The following INO80 variants were observed in gnomAD, a reference collection of about 807,000 sequenced individuals.
The protein encoded by INO80 is INO80 complex ATPase subunit.
In INO80, 20 loss-of-function variants were observed where a neutral mutation model predicts 203.4. The observed-to-expected ratio is 0.10, with a 90% CI of 0.07 to 0.14. The LOEUF (loss-of-function observed/expected upper bound fraction) is 0.14, where lower values mean the gene tolerates loss of function less well. INO80 is among the 10% of genes least tolerant of loss of function. The pLI, the probability that INO80 is intolerant of heterozygous loss-of-function variation, is 1.00. For synonymous variants in INO80, 726 were observed against 685.2 expected (o/e 1.06, Z -0.93); for missense variants, 1,419 against 1,914.4 (o/e 0.74, Z 4.83).
At chr15:40,993,727 C>T (rs1243599636) in intron 29 of INO80, among the ~76,000 whole-genome samples, 1 of 151,954 alleles carries the variant, frequency 6.6e-6, no homozygotes, top group South Asian at 2.1e-4. Context: ...CCACTGCACT[C>T]CAGCCTGAAT....
Position 41,095,880 on chromosome 15 carries a change from C to A in INO80, c.192G>T (p.Gln64His), listed in dbSNP as rs1173635976. ...GLDDSNPLLP[Q>H]SGDPLIQVKE... ...TAACTTGTATTAAGGGATCCCCAGA[C>A]TGGGGCAATAATGGATTACTGTCAT... Residue 64 changes from glutamine (Q) to histidine (H), a missense_variant, in exon 3 of 36, where the codon CAG (glutamine) becomes CAT (histidine). Transcript: ENST00000648947. 6.2e-7 allele frequency: 1 copy of A among 1,614,068 alleles called. No homozygotes were observed. Among genetic ancestry groups the A allele is most frequent in the Admixed American group, 1.7e-5 (1 of 60,012 alleles).
At chr15:41,104,835 C>T (rs1037420510) in intron 1 of INO80, among the ~76,000 whole-genome samples, 7 of 152,004 alleles carry the variant, frequency 4.6e-5, no homozygotes, top group Admixed American at 4.6e-4. Context: ...CCACCACACC[C>T]GGCCAACTTA....
At chr15:41,004,334 A>C (rs1184434871) in intron 28 of INO80, among the ~76,000 whole-genome samples, 1 of 152,250 alleles carries the variant, frequency 6.6e-6, no homozygotes, top group Admixed American at 6.5e-5. Flanking sequence ...TTTATGCCAA[A>C]TTATTTTATG....
intron 1 of INO80, among the ~76,000 whole-genome samples, chr15:41,115,107 G>C (rs1442389256): frequency 6.6e-6 from 1 of 152,140 alleles, no homozygotes; most frequent in African/African-American, 2.4e-5. Flanking sequence ...AGGAAATAAT[G>C]AAAGTCACTG....
At chr15:41,052,674 CAAAAAAAAAA>C (rs60685375) in intron 19 of INO80, among the ~76,000 whole-genome samples, 26 of 107,226 alleles carry the variant, frequency 2.4e-4, no homozygotes, top group South Asian at 5.6e-4. Flanking sequence ...CCTTGTCTTA[CAAAAAAAAAA>C]AAAAAAAAAA....
intron 1 of INO80, among the ~76,000 whole-genome samples, chr15:41,107,597 C>A (rs1366140142): frequency 6.7e-6 from 1 of 149,506 alleles, no homozygotes; most frequent in South Asian, 2.1e-4. Context: ...GTCAGGAGTT[C>A]GAGGCCAGCC....
chr15:41,036,295 T>C (rs1018081201), intron 24 of INO80, among the ~76,000 whole-genome samples: 1 of 151,618 alleles, frequency 6.6e-6, no homozygotes, highest in African/African-American at 2.4e-5. Context: ...TAACATGTTA[T>C]ATAACTACTA....
At chr15:41,103,200 G>A (rs2045834364) in intron 1 of INO80, among the ~76,000 whole-genome samples, 1 of 152,138 alleles carries the variant, frequency 6.6e-6, no homozygotes, top group South Asian at 2.1e-4. Flanking sequence ...GAGTCCCAAT[G>A]TGTAGTTAAT....
At chr15:41,068,157 C>T (rs1480581855) in intron 14 of INO80, among the ~76,000 whole-genome samples, 9 of 152,282 alleles carry the variant, frequency 5.9e-5, no homozygotes, top group Admixed American at 3.3e-4. Flanking sequence ...TTTGGTGGCT[C>T]GTGCCTGTAA....
intron 1 of INO80, among the ~76,000 whole-genome samples, chr15:41,102,196 A>C (rs1235918324): frequency 6.6e-6 from 1 of 152,078 alleles, no homozygotes; most frequent in Non-Finnish European, 1.5e-5. Flanking sequence ...ATCTCAAAAA[A>C]AGAAGATACG....
At chr15:40,996,360 T>A (rs1457618058) in intron 29 of INO80, among the ~76,000 whole-genome samples, 2 of 152,196 alleles carry the variant, frequency 1.3e-5, no homozygotes, top group Non-Finnish European at 2.9e-5. Flanking sequence ...TCTCACTCTG[T>A]CGCCCAGAGT....
chr15:41,092,194 GA>G lies in INO80; in HGVS notation c.382-13del, dbSNP rs781209371. The G allele has an allele frequency of 3.2e-6, 5 of 1,565,924 alleles. No homozygotes were observed. In the East Asian group the frequency reaches 1.1e-4, roughly 36 times the overall value. On this transcript the variant is annotated splice_polypyrimidine_tract_variant and intron_variant, in intron 4 of 35. Transcript: ENST00000648947. ...CTTAGCAGAATGCTCTGAAAAGGGT[GA>G]AAATAGAAATGTATCTTTTGCTGTG...
intron 27 of INO80, among the ~76,000 whole-genome samples, chr15:41,007,765 C>CAAAAAAAA (rs34661844): frequency 7.4e-6 from 1 of 134,750 alleles, no homozygotes; most frequent in African/African-American, 2.8e-5. Context: ...TAAATAGCTT[C>CAAAAAAAA]AAAAAAAAAA....
Position 41,116,037 on chromosome 15 carries a change from G to A in INO80, c.-108C>T, listed in dbSNP as rs2046031026. 2 of 393,728 alleles carry A rather than the reference G, an allele frequency of 5.1e-6. No homozygotes were observed. Among genetic ancestry groups the A allele is most frequent in the East Asian group, 3.6e-5 (1 of 27,680 alleles). The allele number at this position is 393,728 out of a possible 1,614,324, so 24.4% of individuals were successfully genotyped here. A position where few individuals can be genotyped will look rare whatever the true frequency, so the allele number is the denominator to read the frequency against. ...GGGGGGCGGGGTGCGGGCGGGGTCC[G>A]GAGGGGGGGGTCGCCCCGCCGACGG... is the stretch of plus-strand genomic sequence containing the variant. On this transcript the variant is annotated 5_prime_UTR_variant, in exon 1 of 36. Coordinates refer to ENST00000648947, the MANE Select transcript of INO80 (RefSeq NM_017553.3).
At chr15:40,990,834 T>C (rs1233255517) in intron 29 of INO80, among the ~76,000 whole-genome samples, 1 of 152,226 alleles carries the variant, frequency 6.6e-6, no homozygotes, top group Admixed American at 6.5e-5. Context: ...AGGATAACAT[T>C]ACTTGCCCAG....
intron 1 of INO80, among the ~76,000 whole-genome samples, chr15:41,108,214 G>A (rs1421712874): frequency 6.6e-6 from 1 of 152,136 alleles, no homozygotes; most frequent in African/African-American, 2.4e-5. Flanking sequence ...AACTTTAACT[G>A]AATTAAATGA....
At chr15:41,086,361 T>C (rs1264768937) in intron 6 of INO80, among the ~76,000 whole-genome samples, 1 of 152,110 alleles carries the variant, frequency 6.6e-6, no homozygotes, top group Non-Finnish European at 1.5e-5. Context: ...GTACAATTCA[T>C]ACCTTTAAGC....
chr15:41,074,548 T>C lies in INO80; in HGVS notation c.1149A>G (p.Arg383=). The change falls in exon 10 of 36, where the codon CGA becomes CGG. Residue 383 remains arginine, a synonymous_variant. Transcript: ENST00000648947. The part of the protein sequence containing the change: ...EEMREAKRQQ[R]KLNFLITQTE... ...TCTGGGTAATTAAGAAGTTGAGTTT[T>C]CGCTGTTGCCTCTTGGCCTAAAGAG... 1 of 1,610,824 alleles carries C rather than the reference T, an allele frequency of 6.2e-7. No homozygotes were observed. The highest frequency in any genetic ancestry group is 8.5e-7 in the Non-Finnish European group (1 of 1,178,552).
chr15:41,048,368 T>C (rs947971167), intron 21 of INO80, 92 bp from the exon 22 acceptor site: 5 of 951,562 alleles, frequency 5.3e-6, no homozygotes, highest in Non-Finnish European at 6.6e-6. Flanking sequence ...TAAAACCTTT[T>C]AGTTTTGAAA....
Sources: allele counts gnomAD v4.1 joint callset (sites outside exome capture counted in the v4.1 genomes callset), GRCh38; gene constraint gnomAD v4.1.1; transcripts MANE v1.5; gene names NCBI Gene and HGNC (gene_info 2026-07-23, HGNC 2026-07-21).